The following SCHIP1 variants were observed in gnomAD, a reference collection of about 807,000 sequenced individuals.
SCHIP1 encodes the protein schwannomin interacting protein 1.
In SCHIP1, 8 loss-of-function variants were observed where a neutral mutation model predicts 29.7. The observed-to-expected ratio is 0.27, with a 90% CI of 0.16 to 0.49. SCHIP1 has a LOEUF of 0.49. Among genes scored for constraint, SCHIP1 ranks in the 20% least tolerant of loss-of-function variants. The pLI, the probability that SCHIP1 is intolerant of heterozygous loss-of-function variation, is 0.99. For synonymous variants in SCHIP1, 76 were observed against 94.9 expected (o/e 0.80, Z 1.16); for missense variants, 193 against 294.6 (o/e 0.66, Z 2.52).
chr3:159,745,196 A>G, the SCHIP1 span, among the ~76,000 whole-genome samples: 1 of 152,224 alleles, frequency 6.6e-6, no homozygotes, highest in Admixed American at 6.5e-5. Flanking sequence ...GCTCTTGCTT[A>G]GCCAAGTTCC....
chr3:159,483,275 A>T, the SCHIP1 span, among the ~76,000 whole-genome samples: 5 of 152,062 alleles, frequency 3.3e-5, no homozygotes, highest in African/African-American at 1.2e-4. Context: ...TGACATAATG[A>T]TTTCATTTGC....
chr3:159,476,609 TA>T, the SCHIP1 span, among the ~76,000 whole-genome samples: 2 of 152,100 alleles, frequency 1.3e-5, no homozygotes, highest in African/African-American at 2.4e-5. Flanking sequence ...ACTAGACCAT[TA>T]AAAAATGGAA....
chr3:159,546,714 T>C, the SCHIP1 span, among the ~76,000 whole-genome samples: 1 of 152,128 alleles, frequency 6.6e-6, no homozygotes, highest in Non-Finnish European at 1.5e-5. Flanking sequence ...AGAGTGATGG[T>C]TTCCAGCTTC....
the SCHIP1 span, among the ~76,000 whole-genome samples, chr3:159,485,631 A>G: frequency 4.6e-5 from 7 of 152,184 alleles, no homozygotes; most frequent in Non-Finnish European, 1.0e-4. Flanking sequence ...TTGGCTTCCA[A>G]TGGAGGGTTT....
chr3:159,478,797 CTAAG>C, the SCHIP1 span, among the ~76,000 whole-genome samples: 1 of 151,918 alleles, frequency 6.6e-6, no homozygotes, highest in Non-Finnish European at 1.5e-5. Flanking sequence ...AAATTTACAC[CTAAG>C]TATTTTGTTG....
the SCHIP1 span, among the ~76,000 whole-genome samples, chr3:159,689,774 CA>C: frequency 6.6e-6 from 1 of 152,182 alleles, no homozygotes; most frequent in South Asian, 2.1e-4. Context: ...TATGTTCCAT[CA>C]ATGCCTAGTT....
At chr3:159,401,255 G>GT in the SCHIP1 span, 1 of 887,520 alleles carries the variant, frequency 1.1e-6, no homozygotes, top group East Asian at 1.2e-4. Flanking sequence ...AAATATCCAG[G>GT]TTTCTAGTAA....
At chr3:159,694,114 C>T in the SCHIP1 span, among the ~76,000 whole-genome samples, 2 of 152,172 alleles carry the variant, frequency 1.3e-5, no homozygotes, top group Non-Finnish European at 2.9e-5. Context: ...TCATGATCTA[C>T]TTAACATTTA....
the SCHIP1 span, among the ~76,000 whole-genome samples, chr3:159,347,458 C>T: frequency 2.0e-5 from 3 of 152,274 alleles, no homozygotes; most frequent in East Asian, 5.8e-4. Flanking sequence ...ACGATAATAC[C>T]TGTCTACCAC....
At chr3:159,480,865 G>A in the SCHIP1 span, among the ~76,000 whole-genome samples, 1 of 152,152 alleles carries the variant, frequency 6.6e-6, no homozygotes, top group Admixed American at 6.5e-5. Context: ...TATTTCACCT[G>A]GGTGCAGGCA....
chr3:159,508,081 T>C, the SCHIP1 span, among the ~76,000 whole-genome samples: 3 of 152,232 alleles, frequency 2.0e-5, no homozygotes, highest in African/African-American at 2.4e-5. Context: ...AATTCGGCTG[T>C]GAATCCGTCT....
chr3:159,647,314 G>A, the SCHIP1 span, among the ~76,000 whole-genome samples: 1 of 152,124 alleles, frequency 6.6e-6, no homozygotes, highest in South Asian at 2.1e-4. Flanking sequence ...AATGAGTTCA[G>A]TGGAGAGCAT....
the SCHIP1 span, among the ~76,000 whole-genome samples, chr3:159,391,638 A>T: frequency 6.6e-6 from 1 of 152,222 alleles, no homozygotes; most frequent in Non-Finnish European, 1.5e-5. Context: ...GAATTTATTG[A>T]ATCAATGAGC....
the SCHIP1 span, among the ~76,000 whole-genome samples, chr3:159,664,299 A>G: frequency 3.9e-5 from 6 of 152,346 alleles, no homozygotes; most frequent in South Asian, 8.3e-4. Context: ...ACACTGATAT[A>G]TACTCACTCA....
chr3:159,338,278 G>A, the SCHIP1 span, among the ~76,000 whole-genome samples: 1 of 152,180 alleles, frequency 6.6e-6, no homozygotes, highest in African/African-American at 2.4e-5. Context: ...GTGGGGACAA[G>A]GAAAGCTTCA....
chr3:159,548,792 T>C, the SCHIP1 span, among the ~76,000 whole-genome samples: 1 of 152,132 alleles, frequency 6.6e-6, no homozygotes, highest in Non-Finnish European at 1.5e-5. Flanking sequence ...TCATTATGAA[T>C]ATGTTTCCTT....
At chr3:159,294,911 A>C in the SCHIP1 span, among the ~76,000 whole-genome samples, 1 of 152,094 alleles carries the variant, frequency 6.6e-6, no homozygotes, top group Non-Finnish European at 1.5e-5. Context: ...TACTCTTCAT[A>C]AGCATCTTAG....
At chr3:159,332,163 C>G in the SCHIP1 span, among the ~76,000 whole-genome samples, 4 of 152,202 alleles carry the variant, frequency 2.6e-5, no homozygotes, top group Non-Finnish European at 4.4e-5. Context: ...TCTCTGAAGG[C>G]AGTGACTCTA....
chr3:159,843,622 C>T (rs1222389408), intron 1 of SCHIP1, among the ~76,000 whole-genome samples: 4 of 151,836 alleles, frequency 2.6e-5, no homozygotes, highest in Non-Finnish European at 4.4e-5. Context: ...AGATCGAGAC[C>T]ATCCTGGCTA....
Sources: allele counts gnomAD v4.1 joint callset (sites outside exome capture counted in the v4.1 genomes callset), GRCh38; gene constraint gnomAD v4.1.1; transcripts MANE v1.5; gene names NCBI Gene and HGNC (gene_info 2026-07-23, HGNC 2026-07-21).